The following GLIS3 variants were observed in gnomAD, a reference collection of about 807,000 sequenced individuals.
The protein encoded by GLIS3 is zinc finger protein GLIS3.
In GLIS3, 53 loss-of-function variants were observed where a neutral mutation model predicts 78.6. The observed-to-expected ratio is 0.67, with a 90% CI of 0.54 to 0.85. GLIS3 has a LOEUF of 0.85. GLIS3 is among the 40% of genes least tolerant of loss of function. The pLI is 0.00. For missense variants in GLIS3, 1,703 were observed against 1,231.1 expected (o/e 1.38, Z -5.74); for synonymous variants, 684 against 509.9 (o/e 1.34, Z -4.60).
chr9:3,948,697 G>A (rs1054565254), intron 4 of GLIS3, among the ~76,000 whole-genome samples: 1 of 152,148 alleles, frequency 6.6e-6, no homozygotes. Context: ...ATGAGAATAT[G>A]GGTCTAATTA....
At chr9:4,314,898 C>A (rs1004092264) in intron 2 of GLIS3, among the ~76,000 whole-genome samples, 6 of 152,190 alleles carry the variant, frequency 3.9e-5, no homozygotes, top group Admixed American at 3.3e-4. Context: ...TAGCTCTATT[C>A]CTTTGGGATG....
At chr9:3,876,043 T>A (rs1821286264) in intron 8 of GLIS3, among the ~76,000 whole-genome samples, 1 of 152,190 alleles carries the variant, frequency 6.6e-6, no homozygotes, top group South Asian at 2.1e-4. Context: ...CTAGGCACTT[T>A]ATCTACTTAG....
At chr9:4,367,560 G>C in the GLIS3 span, among the ~76,000 whole-genome samples, 1 of 139,544 alleles carries the variant, frequency 7.2e-6, no homozygotes, top group Non-Finnish European at 1.5e-5. Context: ...CTTGAACCCG[G>C]AATGTGGAAG....
intron 2 of GLIS3, among the ~76,000 whole-genome samples, chr9:4,230,649 C>T (rs1563795456): frequency 6.6e-6 from 1 of 152,136 alleles, no homozygotes; most frequent in Non-Finnish European, 1.5e-5. Context: ...GAAATATAAG[C>T]ACCATTATAA....
intron 2 of GLIS3, among the ~76,000 whole-genome samples, chr9:4,141,192 A>G (rs921704330): frequency 2.6e-5 from 4 of 152,158 alleles, no homozygotes; most frequent in African/African-American, 9.7e-5. Flanking sequence ...CTGAAAGAGG[A>G]TAGTGCCTCT....
chr9:3,922,333 T>G (rs1331179256), intron 6 of GLIS3, among the ~76,000 whole-genome samples: 1 of 152,134 alleles, frequency 6.6e-6, no homozygotes, highest in Non-Finnish European at 1.5e-5. Flanking sequence ...TATAGAAAGA[T>G]AGGCACCAAA....
chr9:4,018,605 G>A (rs1822622577), intron 4 of GLIS3, among the ~76,000 whole-genome samples: 1 of 152,150 alleles, frequency 6.6e-6, no homozygotes, highest in African/African-American at 2.4e-5. Context: ...AAGCTGCGGA[G>A]GGTGACACAG....
chr9:4,138,460 G>T (rs183237536), intron 2 of GLIS3, among the ~76,000 whole-genome samples: 26 of 152,142 alleles, frequency 1.7e-4, no homozygotes, highest in African/African-American at 5.8e-4. Context: ...ATGAGGAAAA[G>T]ATCTGAATAC....
At chr9:4,372,434 G>C in the GLIS3 span, among the ~76,000 whole-genome samples, 1 of 151,582 alleles carries the variant, frequency 6.6e-6, no homozygotes, top group Non-Finnish European at 1.5e-5. Context: ...ACATCAACTT[G>C]CCTGTAAGCA....
chr9:4,379,923 C>CA, the GLIS3 span, among the ~76,000 whole-genome samples: 916 of 149,652 alleles, frequency 6.1e-3, 5 homozygotes, highest in African/African-American at 0.019. Flanking sequence ...GACATCAAAC[C>CA]AAAAAAAAAG....
At chr9:4,480,023 G>A in the GLIS3 span, among the ~76,000 whole-genome samples, 1 of 148,614 alleles carries the variant, frequency 6.7e-6, no homozygotes, top group East Asian at 2.0e-4. Flanking sequence ...CCAAAGTGCT[G>A]AGTGCTGGGA....
intron 4 of GLIS3, among the ~76,000 whole-genome samples, chr9:3,960,930 G>A (rs369101936): frequency 3.0e-4 from 45 of 152,208 alleles, no homozygotes; most frequent in Non-Finnish European, 5.7e-4. Context: ...GGCTAAAGAA[G>A]TGGATGGCAA....
intron 4 of GLIS3, among the ~76,000 whole-genome samples, chr9:4,114,730 T>A (rs1253372453): frequency 6.6e-6 from 1 of 152,010 alleles, no homozygotes; most frequent in Admixed American, 6.5e-5. Flanking sequence ...TCAAGCCCTT[T>A]GCCACTGGGT....
At chr9:4,414,930 T>C in the GLIS3 span, among the ~76,000 whole-genome samples, 1 of 152,134 alleles carries the variant, frequency 6.6e-6, no homozygotes, top group Admixed American at 6.5e-5. Context: ...TATCCACTGA[T>C]CCCCACCCTG....
At chr9:4,404,927 A>G in the GLIS3 span, among the ~76,000 whole-genome samples, 1 of 152,222 alleles carries the variant, frequency 6.6e-6, no homozygotes, top group African/African-American at 2.4e-5. Flanking sequence ...CCAACAAAAC[A>G]AAAAGTTAAT....
intron 2 of GLIS3, among the ~76,000 whole-genome samples, chr9:4,178,694 C>T (rs1817013433): frequency 6.6e-6 from 1 of 152,168 alleles, no homozygotes; most frequent in African/African-American, 2.4e-5. Flanking sequence ...TTCAGAATGA[C>T]TACACTGTCT....
chr9:4,138,282 C>T (rs1833556634), intron 2 of GLIS3, among the ~76,000 whole-genome samples: 1 of 152,166 alleles, frequency 6.6e-6, no homozygotes, highest in South Asian at 2.1e-4. Context: ...CCTCAGTTTC[C>T]CAAAGACACA....
chr9:4,425,737 C>G, the GLIS3 span, among the ~76,000 whole-genome samples: 1 of 152,168 alleles, frequency 6.6e-6, no homozygotes. Flanking sequence ...TACCTAGTAC[C>G]ACCTGCTCGG....
intron 2 of GLIS3, among the ~76,000 whole-genome samples, chr9:4,209,633 A>G (rs2131294578): frequency 6.6e-6 from 1 of 152,286 alleles, no homozygotes; most frequent in South Asian, 2.1e-4. Context: ...ACTTGTCAGG[A>G]GAGGCTCACT....
Sources: gnomAD v4.1 joint callset for allele counts (sites outside exome capture counted in the v4.1 genomes callset) on GRCh38, gnomAD v4.1.1 for gene constraint, MANE v1.5 for transcripts, NCBI Gene and HGNC (gene_info 2026-07-23, HGNC 2026-07-21) for gene names.